The following ZCCHC7 variants were observed in gnomAD, a reference collection of about 807,000 sequenced individuals.
ZCCHC7 encodes zinc finger CCHC domain-containing protein 7.
A neutral mutation model predicts 52.0 loss-of-function variants in ZCCHC7; 35 were observed. The observed-to-expected ratio is 0.67, with a 90% CI of 0.51 to 0.89. ZCCHC7 has a LOEUF of 0.89. Ranked by LOEUF, ZCCHC7 falls within the 40% of genes least tolerant of loss-of-function variation. The probability of loss-of-function intolerance (pLI) is 0.00; values close to 1 mark genes in which losing one functional copy is unlikely to be tolerated. For synonymous variants in ZCCHC7, 217 were observed against 221.5 expected (o/e 0.98, Z 0.18); for missense variants, 574 against 649.1 (o/e 0.88, Z 1.26).
chr9:37,249,456 C>CTTTTTTTTTTTTTTTTTTTTTTTTTTT (rs60166399), intron 2 of ZCCHC7, among the ~76,000 whole-genome samples: 7 of 111,248 alleles, frequency 6.3e-5, no homozygotes, highest in Middle Eastern at 5.2e-3. Flanking sequence ...CTTCTTCTTC[C>CTTTTTTTTTTTTTTTTTTTTTTTTTTT]TTTTTTTTTT....
intron 2 of ZCCHC7, among the ~76,000 whole-genome samples, chr9:37,150,975 T>G (rs548340104): frequency 6.7e-6 from 1 of 150,324 alleles, no homozygotes; most frequent in Admixed American, 6.6e-5. Context: ...TGTTTTTTTT[T>G]TTTTTTTGAG....
At chr9:37,183,560 GT>G (rs1822483556) in intron 2 of ZCCHC7, among the ~76,000 whole-genome samples, 1 of 152,102 alleles carries the variant, frequency 6.6e-6, no homozygotes, top group Admixed American at 6.5e-5. Flanking sequence ...GAACCATAGC[GT>G]TGTTGATATT....
intron 2 of ZCCHC7, among the ~76,000 whole-genome samples, chr9:37,272,527 C>A (rs539632621): frequency 3.3e-5 from 5 of 149,998 alleles, no homozygotes; most frequent in African/African-American, 1.2e-4. Flanking sequence ...AAGAAAGGAC[C>A]TGGGCAGTAC....
At chr9:37,302,160 G>T in intron 2 of ZCCHC7, 28 bp from the exon 3 acceptor site, 3 of 1,590,576 alleles carry the variant, frequency 1.9e-6, no homozygotes. Context: ...AAGTGCCACG[G>T]TTAAGTAATA....
intron 2 of ZCCHC7, among the ~76,000 whole-genome samples, chr9:37,202,199 A>G (rs1224018403): frequency 6.6e-6 from 1 of 152,222 alleles, no homozygotes; most frequent in Non-Finnish European, 1.5e-5. Context: ...TGTTTCTATT[A>G]TGTACCTTGT....
chr9:37,271,057 A>G lies in ZCCHC7; in HGVS notation c.611-31131A>G, dbSNP rs147666087. Among the ~76,000 whole-genome samples the G allele has an allele frequency of 2.6e-3, 403 of 152,360 alleles. 3 individuals carry two copies. Among genetic ancestry groups the G allele is most frequent in the African/African-American group, 8.8e-3 (367 of 41,584 alleles). ...ATGAAAAAGGAATAGTTTGAACACC[A>G]CATTTTGCAACTCCTAATGAAATAA... On this transcript the variant is annotated intron_variant, in intron 2 of 8. Transcript: ENST00000336755.
At chr9:37,305,430 C>A in intron 4 of ZCCHC7, 114 bp from the exon 5 acceptor site, 1 of 1,258,288 alleles carries the variant, frequency 7.9e-7, no homozygotes, top group Non-Finnish European at 1.1e-6. Flanking sequence ...AGGATTCTAC[C>A]TTTATTGGGA....
chr9:37,281,882 A>G (rs958651498), intron 2 of ZCCHC7, among the ~76,000 whole-genome samples: 3 of 152,244 alleles, frequency 2.0e-5, no homozygotes, highest in African/African-American at 4.8e-5. Flanking sequence ...GGTTTTTACA[A>G]TATGCAAATA....
intron 2 of ZCCHC7, among the ~76,000 whole-genome samples, chr9:37,179,100 A>G (rs999621221): frequency 2.6e-5 from 4 of 152,176 alleles, no homozygotes; most frequent in African/African-American, 9.7e-5. Context: ...CAGGCATGCT[A>G]TTTACATGAA....
At chr9:37,145,059 A>G (rs1204570461) in intron 2 of ZCCHC7, 1 of 151,982 alleles carries the variant, frequency 6.6e-6, no homozygotes, top group Non-Finnish European at 1.5e-5. Flanking sequence ...GCCATTGTGT[A>G]CTTAGTACCA....
intron 2 of ZCCHC7, among the ~76,000 whole-genome samples, chr9:37,189,050 C>A (rs1822879201): frequency 7.3e-6 from 1 of 136,502 alleles, no homozygotes. Flanking sequence ...AGCTATCTAG[C>A]CTGTCTAATG....
chr9:37,338,102 C>G (rs934383673), intron 6 of ZCCHC7, among the ~76,000 whole-genome samples: 2 of 152,146 alleles, frequency 1.3e-5, no homozygotes, highest in Non-Finnish European at 2.9e-5. Context: ...GTGAATTACT[C>G]TGATCCTTAC....
At chr9:37,165,438 T>C (rs1161742780) in intron 2 of ZCCHC7, among the ~76,000 whole-genome samples, 1 of 152,174 alleles carries the variant, frequency 6.6e-6, no homozygotes, top group Non-Finnish European at 1.5e-5. Flanking sequence ...TATGTAAATA[T>C]TAGCTGTAGG....
chr9:37,262,378 A>T (rs1015035298), intron 2 of ZCCHC7, among the ~76,000 whole-genome samples: 1 of 152,174 alleles, frequency 6.6e-6, no homozygotes, highest in African/African-American at 2.4e-5. Context: ...CTTTAGCATC[A>T]TCTTGTTTTA....
At chr9:37,178,485 G>GGT (rs1822176071) in intron 2 of ZCCHC7, among the ~76,000 whole-genome samples, 1 of 149,958 alleles carries the variant, frequency 6.7e-6, no homozygotes, top group African/African-American at 2.5e-5. Context: ...AGAGAAAGTA[G>GGT]AAAGAGAGGA....
intron 1 of ZCCHC7, among the ~76,000 whole-genome samples, chr9:37,123,862 C>G (rs1196669186): frequency 2.0e-5 from 3 of 152,214 alleles, no homozygotes; most frequent in Non-Finnish European, 4.4e-5. Context: ...GAGCATTATT[C>G]AGACAATCAC....
chr9:37,212,013 C>T (rs549542539), intron 2 of ZCCHC7, among the ~76,000 whole-genome samples: 12 of 100,304 alleles, frequency 1.2e-4, no homozygotes, highest in East Asian at 9.8e-4. Flanking sequence ...GGTGACAGAG[C>T]GAGACTCCGT....
chr9:37,348,984 T>TC (rs1821193271), intron 6 of ZCCHC7, among the ~76,000 whole-genome samples: 1 of 151,858 alleles, frequency 6.6e-6, no homozygotes, highest in African/African-American at 2.4e-5. Context: ...GGTGGGGGAG[T>TC]CCCCCTCACC....
chr9:37,152,007 G>A (rs774129884), intron 2 of ZCCHC7, among the ~76,000 whole-genome samples: 16 of 152,044 alleles, frequency 1.1e-4, no homozygotes, highest in Non-Finnish European at 1.9e-4. Context: ...TTAAAAAAAT[G>A]AATTGAGACC....
Sources: gnomAD v4.1 joint callset for allele counts (sites outside exome capture counted in the v4.1 genomes callset) on GRCh38, gnomAD v4.1.1 for gene constraint, MANE v1.5 for transcripts, NCBI Gene and HGNC (gene_info 2026-07-23, HGNC 2026-07-21) for gene names.